Variants in NRXN2 observed in about 807,000 individuals in gnomAD.
NRXN2 encodes the protein neurexin-2-beta.
A neutral mutation model predicts 128.8 loss-of-function variants in NRXN2; 29 were observed. That is an observed-to-expected ratio of 0.23 (90% CI 0.17 to 0.31). NRXN2 has a LOEUF of 0.31. Among genes scored for constraint, NRXN2 ranks in the 10% least tolerant of loss-of-function variants. NRXN2 has a pLI of 1.00. For missense variants in NRXN2, 1,881 were observed against 2,452.6 expected (o/e 0.77, Z 4.92); for synonymous variants, 1,098 against 1,075.2 (o/e 1.02, Z -0.41).
rs138365117 is a variant in NRXN2 at position 64,709,431 on chromosome 11, G to A, written c.730+3539C>T. On this transcript the variant is annotated intron_variant, in intron 2 of 22. Transcript: ENST00000265459. ...TGAGAAAGTACTCGAAGTATAATGA[G>A]CACAAGATATTATAAAAGCTACCTA... Among the ~76,000 whole-genome samples the A allele has an allele frequency of 3.2e-3, 481 of 151,842 alleles. 3 individuals are homozygous for A. The highest frequency in any genetic ancestry group is 0.011 in the African/African-American group (440 of 41,368).
intron 7 of NRXN2, among the ~76,000 whole-genome samples, chr11:64,673,415 T>C (rs1222344112): frequency 6.6e-6 from 1 of 152,112 alleles, no homozygotes; most frequent in African/African-American, 2.4e-5. Context: ...AAAAATAAAT[T>C]GGAAACTAAC....
intron 9 of NRXN2, chr11:64,661,526 C>T: frequency 1.9e-6 from 1 of 527,708 alleles, no homozygotes; most frequent in East Asian, 7.0e-5. Context: ...AGACTGGGAA[C>T]CGGAAGCAGA....
rs2043968990 is a variant in NRXN2, at chr11:64,631,934, C to G, written c.3586-1361G>C. Among the ~76,000 whole-genome samples the G allele has an allele frequency of 1.3e-5, 2 of 152,168 alleles. No individual in the cohort carries two copies. The highest frequency in any genetic ancestry group is 4.1e-4 in the South Asian group (2 of 4,828). On this transcript the variant is annotated intron_variant, in intron 18 of 22. Transcript: ENST00000265459. The surrounding 1 kb of genome is among the most constrained non-coding windows in gnomAD (Gnocchi z 4.8). ...GACACTCACACAGGTTCACTCAAACCCCCTGGCTCACACACTCTCAGGCAC... is the reference window on the plus strand; with the variant it reads ...GACACTCACACAGGTTCACTCAAACGCCCTGGCTCACACACTCTCAGGCAC...
Position 64,651,649 on chromosome 11 carries a change from G to A in NRXN2, c.2537-13C>T, listed in dbSNP as rs2047469842. On this transcript the variant is annotated splice_polypyrimidine_tract_variant and intron_variant, in intron 13 of 22. Coordinates refer to ENST00000265459, the MANE Select transcript of NRXN2 (RefSeq NM_015080.4). The surrounding 1 kb of genome is among the most constrained non-coding windows in gnomAD (Gnocchi z 5.9). Reference sequence around the variant, plus strand: ...CCTGCCATCTGTCCTGCTCAGGACAGGAGACCAAGATGAGGGGGATGGCTT... The same window carrying A: ...CCTGCCATCTGTCCTGCTCAGGACAAGAGACCAAGATGAGGGGGATGGCTT... 2.5e-6 allele frequency: 4 copies of A among 1,613,152 alleles called. No individual in the cohort carries two copies. The East Asian group carries it at 8.9e-5, about 36-fold the overall frequency.
chr11:64,650,585 T>C lies in NRXN2; in HGVS notation c.2972A>G (p.Asn991Ser), dbSNP rs2047321383. Residue 991 changes from asparagine (N) to serine (S), a missense_variant, in exon 15 of 23, where the codon AAC (asparagine) becomes AGC (serine). Around this residue, in one of 7 missense-constraint regions of NRXN2, gnomAD observed 390 missense variants for 599.6 expected, o/e 0.65. Coordinates refer to ENST00000265459, the MANE Select transcript of NRXN2 (RefSeq NM_015080.4). The part of the protein sequence containing the change: ...LGNGPSLMKG[N>S]SDKPVNDNQW... ...GTTGTCATTGACTGGTTTGTCTGAG[T>C]TCCCCTTCATCAAGGACGGGCCATT... 1 of 1,613,952 alleles carries C rather than the reference T, an allele frequency of 6.2e-7. No individual in the cohort carries two copies. The highest frequency in any genetic ancestry group is 8.5e-7 in the Non-Finnish European group (1 of 1,180,018).
chr11:64,611,743 G>C (rs905315844), intron 22 of NRXN2, among the ~76,000 whole-genome samples: 1 of 151,774 alleles, frequency 6.6e-6, no homozygotes, highest in Admixed American at 6.6e-5. Context: ...TGCTCACATT[G>C]ACCTCTTGCC....
chr11:64,621,756 G>C (rs1271935300), intron 21 of NRXN2, among the ~76,000 whole-genome samples: 1 of 152,182 alleles, frequency 6.6e-6, no homozygotes, highest in African/African-American at 2.4e-5. Flanking sequence ...GGCCAAAAAA[G>C]GCCTTCATGC....
At position 64,607,577 on chromosome 11, in the gene NRXN2, C is replaced by G. The variant is rs763325245; in HGVS notation, c.4758G>C (p.Thr1586=). The change falls in exon 23 of 23, where the codon ACG becomes ACC. Residue 1586 remains threonine, a synonymous_variant. Transcript: ENST00000265459. ...GAGGGGGCCTCCGCGGCTCAAAGGA[C>G]GTGGGGGCCCCGGGCCCCAAGGGCG... The part of the protein sequence containing the change: ...ENPPLGPGAP[T]SFEPRRPPPL... 9 of 1,533,908 alleles carry G rather than the reference C, an allele frequency of 5.9e-6. No individual in the cohort carries two copies. The African/African-American group carries it at 1.1e-4, about 19-fold the overall frequency.
At chr11:64,615,098 G>C (rs1399640723) in intron 22 of NRXN2, among the ~76,000 whole-genome samples, 1 of 152,220 alleles carries the variant, frequency 6.6e-6, no homozygotes, top group Non-Finnish European at 1.5e-5. Flanking sequence ...AGCTAGGCTG[G>C]GCCCCATGAC....
chr11:64,627,229 C>T (rs1263444428), intron 19 of NRXN2, among the ~76,000 whole-genome samples: 2 of 152,010 alleles, frequency 1.3e-5, no homozygotes, highest in African/African-American at 4.8e-5. Context: ...AACCCCACCA[C>T]TGCACTCCCT....
chr11:64,674,061 C>T (rs1023351708), intron 7 of NRXN2, among the ~76,000 whole-genome samples: 14 of 149,866 alleles, frequency 9.3e-5, no homozygotes, highest in Non-Finnish European at 1.6e-4. Flanking sequence ...AAAAAGCAGG[C>T]GGTGGGGAGG....
intron 19 of NRXN2, 105 bp from the exon 20 acceptor site, chr11:64,626,657 T>A: frequency 2.4e-6 from 2 of 849,016 alleles, no homozygotes; most frequent in South Asian, 1.3e-5. Context: ...AGCAGCAACA[T>A]CCACGGAAAG....
chr11:64,704,645 G>C (rs1421708979), intron 2 of NRXN2, among the ~76,000 whole-genome samples: 70 of 150,750 alleles, frequency 4.6e-4, no homozygotes, highest in South Asian at 1.3e-3. Flanking sequence ...GAGAGAGAGA[G>C]AGAGAGAGAG....
In NRXN2 at chr11:64,713,470, A is replaced by G. The variant is rs776095862; in HGVS notation, c.230T>C (p.Phe77Ser). 1 of 1,533,310 alleles carries G rather than the reference A, an allele frequency of 6.5e-7. No individual in the cohort carries two copies. The highest frequency in any genetic ancestry group is 1.9e-5 in the Admixed American group (1 of 51,686). 95.0% of individuals were successfully genotyped at this position (1,533,310 alleles called of 1,614,324 possible). Residue 77 changes from phenylalanine (F) to serine (S), a missense_variant, in exon 2 of 23, where the codon TTC becomes TCC. By Grantham distance (155) the Phe-to-Ser change is radical. This residue lies in a region of NRXN2 where 997 missense variants were observed against 1,240.8 expected (regional missense o/e 0.80). Coordinates refer to ENST00000265459, the MANE Select transcript of NRXN2 (RefSeq NM_015080.4). ...LYLDDGGDCD[F>S]LELLLVDGRL... ...GCCGTCCACCAGCAGCAGCTCCAGG[A>G]AGTCGCAGTCGCCGCCGTCGTCCAG...
chr11:64,702,110 G>GC (rs1438797215), intron 2 of NRXN2, among the ~76,000 whole-genome samples: 1 of 99,946 alleles, frequency 1.0e-5, no homozygotes, highest in Non-Finnish European at 2.0e-5. Context: ...CCGGCCAGCC[G>GC]CCCGTCCGGG....
chr11:64,677,450 CAA>C (rs1288929373), intron 6 of NRXN2, among the ~76,000 whole-genome samples: 1 of 152,086 alleles, frequency 6.6e-6, no homozygotes, highest in African/African-American at 2.4e-5. Context: ...ACCAAGAAAC[CAA>C]AGACTTAAAG....
At chr11:64,654,501 C>G (rs1287651786) in intron 11 of NRXN2, among the ~76,000 whole-genome samples, 1 of 152,208 alleles carries the variant, frequency 6.6e-6, no homozygotes, top group Non-Finnish European at 1.5e-5. Context: ...AAGCAGCCAC[C>G]ATAAGCAAAG....
chr11:64,701,809 C>T (rs1321361869), intron 2 of NRXN2, among the ~76,000 whole-genome samples: 5 of 151,740 alleles, frequency 3.3e-5, no homozygotes, highest in Non-Finnish European at 5.9e-5. Flanking sequence ...CCAGCCGCCC[C>T]GTCCGGCAGG....
Position 64,622,632 on chromosome 11 carries a change from C to T in NRXN2, c.4173+121G>A. ...TGGCAACAAAGTCAGCGACAGCAGC[C>T]TTCAGGATCCCAACAGACCCCTTGG... On this transcript the variant is annotated intron_variant, in intron 21 of 22. Coordinates refer to ENST00000265459, the MANE Select transcript of NRXN2 (RefSeq NM_015080.4). This position sits in a 1 kb window ranked among gnomAD's most constrained non-coding sequence, Gnocchi z 4.3. The T allele has an allele frequency of 7.1e-7, 1 of 1,405,276 alleles. No individual in the cohort carries two copies. Among genetic ancestry groups the T allele is most frequent in the South Asian group, 1.4e-5 (1 of 73,706 alleles). The allele number at this position is 1,405,276 out of a possible 1,614,324, so 87.1% of individuals were successfully genotyped here.
Sources: allele counts gnomAD v4.1 joint callset (sites outside exome capture counted in the v4.1 genomes callset), GRCh38; gene constraint gnomAD v4.1.1; regional missense constraint gnomAD v4.1.1; non-coding constraint Gnocchi (gnomAD v3.1); transcripts MANE v1.5; gene names NCBI Gene and HGNC (gene_info 2026-07-23, HGNC 2026-07-21).